The following SLC24A3 variants were observed in gnomAD, a reference collection of about 807,000 sequenced individuals.
The protein encoded by SLC24A3 is solute carrier family 24 member 3, also known as sodium/potassium/calcium exchanger 3.
SLC24A3 carries 28 observed loss-of-function variants against 75.8 expected under a neutral mutation model. The ratio of observed to expected loss-of-function variants is 0.37; its 90% confidence interval spans 0.27 to 0.51. SLC24A3 has a LOEUF of 0.51. SLC24A3 is among the 20% of genes least tolerant of loss of function. The pLI is 0.94. For synonymous variants in SLC24A3, 372 were observed against 334.1 expected (o/e 1.11, Z -1.24); for missense variants, 663 against 847.8 (o/e 0.78, Z 2.71).
At chr20:19,307,900 C>T (rs1984369631) in intron 2 of SLC24A3, among the ~76,000 whole-genome samples, 1 of 152,196 alleles carries the variant, frequency 6.6e-6, no homozygotes, top group Non-Finnish European at 1.5e-5. Flanking sequence ...TCTGTGGTGA[C>T]CCAGCAGACA....
rs116075086 is a variant in SLC24A3 at position 19,518,864 on chromosome 20, A to T, written c.348+3300A>T. Among the ~76,000 whole-genome samples, 1,049 of 152,288 alleles carry T rather than the reference A, an allele frequency of 6.9e-3. 13 individuals carry two copies. The highest frequency in any genetic ancestry group is 0.025 in the African/African-American group (1,020 of 41,562). ...AGGCTCAGGGCCATTTGGGCAGGTGATCCCAGAGTCCCAAGGGCCCTAGGG... is the reference window on the plus strand; with the variant it reads ...AGGCTCAGGGCCATTTGGGCAGGTGTTCCCAGAGTCCCAAGGGCCCTAGGG... On this transcript the variant is annotated intron_variant, in intron 3 of 16. Coordinates refer to ENST00000328041, the MANE Select transcript of SLC24A3 (RefSeq NM_020689.4).
chr20:19,309,606 C>T (rs1430514907), intron 2 of SLC24A3, among the ~76,000 whole-genome samples: 1 of 152,188 alleles, frequency 6.6e-6, no homozygotes, highest in Non-Finnish European at 1.5e-5. Flanking sequence ...TCTATTTTTT[C>T]TCCTCTTTGG....
chr20:19,600,106 A>T (rs903515022), intron 6 of SLC24A3, among the ~76,000 whole-genome samples: 1 of 152,176 alleles, frequency 6.6e-6, no homozygotes, highest in Non-Finnish European at 1.5e-5. Flanking sequence ...CTCTTGGTAC[A>T]GAGTTGAGAA....
At chr20:19,645,926 G>A (rs2032131651) in intron 6 of SLC24A3, among the ~76,000 whole-genome samples, 2 of 152,092 alleles carry the variant, frequency 1.3e-5, no homozygotes, top group Admixed American at 1.3e-4. Context: ...GTGGTGGCAT[G>A]TGCCTATAAT....
intron 2 of SLC24A3, among the ~76,000 whole-genome samples, chr20:19,345,676 C>T (rs1030191995): frequency 6.6e-6 from 1 of 152,096 alleles, no homozygotes; most frequent in Non-Finnish European, 1.5e-5. Flanking sequence ...GGCCAACAAG[C>T]ATTTGGAAAA....
At chr20:19,250,920 A>G (rs1023502683) in intron 1 of SLC24A3, among the ~76,000 whole-genome samples, 2 of 152,204 alleles carry the variant, frequency 1.3e-5, no homozygotes, top group African/African-American at 4.8e-5. Context: ...AAGTAAATTA[A>G]GATGCCCAAG....
intron 2 of SLC24A3, among the ~76,000 whole-genome samples, chr20:19,361,755 A>G (rs1349091224): frequency 6.6e-6 from 1 of 152,242 alleles, no homozygotes; most frequent in Non-Finnish European, 1.5e-5. Context: ...TAAAAGATTG[A>G]TGGGTGGGTA....
intron 2 of SLC24A3, among the ~76,000 whole-genome samples, chr20:19,494,777 G>A (rs1410477947): frequency 1.3e-5 from 2 of 152,144 alleles, no homozygotes; most frequent in Non-Finnish European, 2.9e-5. Context: ...TGGCCATCCC[G>A]AAAAGGCTAG....
intron 2 of SLC24A3, among the ~76,000 whole-genome samples, chr20:19,481,815 C>T (rs1268025682): frequency 6.6e-6 from 1 of 152,072 alleles, no homozygotes; most frequent in East Asian, 1.9e-4. Context: ...GCAAGGATTT[C>T]CCCTCTTTGG....
intron 6 of SLC24A3, among the ~76,000 whole-genome samples, chr20:19,601,206 A>C (rs2031522774): frequency 6.6e-6 from 1 of 152,206 alleles, no homozygotes; most frequent in Admixed American, 6.5e-5. Context: ...TGCCAGCAAG[A>C]GTTTGGCTTG....
At chr20:19,684,816 A>G (rs1008548086) in intron 11 of SLC24A3, among the ~76,000 whole-genome samples, 16 of 152,208 alleles carry the variant, frequency 1.1e-4, no homozygotes, top group African/African-American at 3.9e-4. Context: ...GGGAAGAAAG[A>G]TGACATCACA....
intron 8 of SLC24A3, among the ~76,000 whole-genome samples, chr20:19,666,733 T>C (rs1043959600): frequency 1.3e-5 from 2 of 151,712 alleles, no homozygotes; most frequent in East Asian, 2.0e-4. Flanking sequence ...CCTGTAATCC[T>C]AGCACTTTGG....
chr20:19,603,164 G>A (rs996216758), intron 6 of SLC24A3, among the ~76,000 whole-genome samples: 1 of 152,172 alleles, frequency 6.6e-6, no homozygotes, highest in African/African-American at 2.4e-5. Context: ...ATGTAATTGA[G>A]TCTCTGGCCC....
chr20:19,693,076 G>T, intron 12 of SLC24A3, 183 bp from the exon 13 acceptor site: 1 of 605,290 alleles, frequency 1.7e-6, no homozygotes, highest in African/African-American at 1.9e-5. Context: ...ATTCTGTTTG[G>T]TGTTGCATGT....
intron 2 of SLC24A3, among the ~76,000 whole-genome samples, chr20:19,345,640 C>A (rs1352993397): frequency 6.6e-6 from 1 of 152,102 alleles, no homozygotes. Context: ...CATAAATAGA[C>A]ATTTCTCAAA....
intron 15 of SLC24A3, among the ~76,000 whole-genome samples, chr20:19,715,073 C>G (rs1346664016): frequency 2.6e-5 from 4 of 152,230 alleles, no homozygotes; most frequent in Non-Finnish European, 5.9e-5. Flanking sequence ...TCTACAGTTT[C>G]ACATCTACCC....
intron 2 of SLC24A3, among the ~76,000 whole-genome samples, chr20:19,503,399 C>T (rs1002318380): frequency 2.6e-5 from 4 of 152,092 alleles, no homozygotes; most frequent in African/African-American, 9.7e-5. Context: ...AAATGTTGTC[C>T]AAGAGATGGA....
chr20:19,419,813 G>A (rs931329718), intron 2 of SLC24A3, among the ~76,000 whole-genome samples: 2 of 148,298 alleles, frequency 1.3e-5, no homozygotes, highest in Admixed American at 6.7e-5. Flanking sequence ...CCATGTCCTC[G>A]ACAGCCAAGT....
intron 6 of SLC24A3, among the ~76,000 whole-genome samples, chr20:19,626,045 T>C (rs187354324): frequency 6.6e-6 from 1 of 152,288 alleles, no homozygotes; most frequent in Admixed American, 6.5e-5. Context: ...TATGGCTTTA[T>C]AGCCTGTTTG....
Sources: gnomAD v4.1 joint callset for allele counts (sites outside exome capture counted in the v4.1 genomes callset) on GRCh38, gnomAD v4.1.1 for gene constraint, MANE v1.5 for transcripts, NCBI Gene and HGNC (gene_info 2026-07-23, HGNC 2026-07-21) for gene names.